Variants in ASIC2 observed in about 807,000 individuals in gnomAD.
ASIC2 encodes the protein acid sensing ion channel subunit 2.
In ASIC2, 25 loss-of-function variants were observed where a neutral mutation model predicts 57.3. That is an observed-to-expected ratio of 0.44 (90% CI 0.32 to 0.61). ASIC2 has a LOEUF of 0.61. Ranked by LOEUF, ASIC2 falls within the 20% of genes least tolerant of loss-of-function variation. ASIC2 has a pLI of 0.06. For missense variants in ASIC2, 641 were observed against 738.1 expected (o/e 0.87, Z 1.52); for synonymous variants, 319 against 307.5 (o/e 1.04, Z -0.39).
rs73279047 is a variant in ASIC2 at position 33,664,981 on chromosome 17, G to T, written c.555+490997C>A. Among the ~76,000 whole-genome samples, 960 of 152,180 alleles carry T rather than the reference G, an allele frequency of 6.3e-3. 13 individuals carry two copies. Among genetic ancestry groups the T allele is most frequent in the African/African-American group, 0.022 (914 of 41,496 alleles). ...CCCAAAAAGCTGCAATTGTTAAAGT[G>T]ACTCTTTGAAATATCCAAGCATATA... is the stretch of plus-strand genomic sequence containing the variant. On this transcript the variant is annotated intron_variant, in intron 1 of 9. Transcript: ENST00000359872.
At chr17:33,734,108 C>A (rs865844668) in intron 1 of ASIC2, among the ~76,000 whole-genome samples, 2 of 152,154 alleles carry the variant, frequency 1.3e-5, no homozygotes, top group Non-Finnish European at 2.9e-5. Context: ...CCCCCTACCC[C>A]ACAGGCACAG....
intron 1 of ASIC2, among the ~76,000 whole-genome samples, chr17:34,119,335 AC>A (rs1054988935): frequency 6.6e-6 from 1 of 152,134 alleles, no homozygotes; most frequent in African/African-American, 2.4e-5. Flanking sequence ...GATCTCTTCT[AC>A]AAAGCATTAT....
intron 1 of ASIC2, among the ~76,000 whole-genome samples, chr17:34,151,448 C>T (rs148258006): frequency 5.8e-4 from 89 of 152,278 alleles, no homozygotes; most frequent in African/African-American, 1.9e-3. Flanking sequence ...TGACACACTG[C>T]TATAAAAGCT....
intron 1 of ASIC2, among the ~76,000 whole-genome samples, chr17:34,138,778 C>T (rs936887217): frequency 8.5e-5 from 13 of 152,200 alleles, no homozygotes; most frequent in African/African-American, 3.1e-4. Context: ...CTTTCACCCA[C>T]AGTCATTCTT....
chr17:33,704,914 G>A (rs887279774), intron 1 of ASIC2, among the ~76,000 whole-genome samples: 1 of 152,182 alleles, frequency 6.6e-6, no homozygotes, highest in African/African-American at 2.4e-5. Context: ...CCTATATTGG[G>A]TTTAAAAGCA....
intron 3 of ASIC2, among the ~76,000 whole-genome samples, chr17:33,045,755 G>A (rs1347280027): frequency 6.6e-6 from 1 of 152,104 alleles, no homozygotes; most frequent in African/African-American, 2.4e-5. Flanking sequence ...ATTCCAGATT[G>A]CATCTCTGTC....
chr17:33,972,152 A>C (rs1421395605), intron 1 of ASIC2, among the ~76,000 whole-genome samples: 2 of 152,232 alleles, frequency 1.3e-5, no homozygotes, highest in African/African-American at 2.4e-5. Context: ...TAATATTATC[A>C]ATGTCATCAA....
chr17:34,078,428 G>T (rs1372096586), intron 1 of ASIC2, among the ~76,000 whole-genome samples: 2 of 152,172 alleles, frequency 1.3e-5, no homozygotes, highest in Non-Finnish European at 2.9e-5. Flanking sequence ...ATGGATTGCT[G>T]TGTAGACTCT....
intron 1 of ASIC2, among the ~76,000 whole-genome samples, chr17:33,289,229 ACT>A (rs942766888): frequency 6.6e-6 from 1 of 152,080 alleles, no homozygotes; most frequent in African/African-American, 2.4e-5. Flanking sequence ...GTGCCTGCAA[ACT>A]CTTCAAACGC....
At chr17:33,550,060 A>T (rs1480011504) in intron 1 of ASIC2, among the ~76,000 whole-genome samples, 5 of 152,170 alleles carry the variant, frequency 3.3e-5, no homozygotes, top group Admixed American at 3.3e-4. Context: ...AGCACAGTGG[A>T]AATTCAAATT....
intron 1 of ASIC2, among the ~76,000 whole-genome samples, chr17:33,500,514 T>C (rs8068971): frequency 0.14 from 20,614 of 152,190 alleles, 1,874 homozygotes; most frequent in African/African-American, 0.27. Flanking sequence ...ATTCTCATTG[T>C]AGGAAACAGT....
intron 1 of ASIC2, among the ~76,000 whole-genome samples, chr17:33,265,993 A>G (rs1273045471): frequency 2.6e-5 from 4 of 152,190 alleles, no homozygotes; most frequent in Non-Finnish European, 1.5e-5. Flanking sequence ...TCCCATGGCC[A>G]TGGTGGTCTT....
chr17:34,142,786 C>T (rs1912306881), intron 1 of ASIC2, among the ~76,000 whole-genome samples: 1 of 152,144 alleles, frequency 6.6e-6, no homozygotes, highest in Non-Finnish European at 1.5e-5. Flanking sequence ...TCATTTCTTC[C>T]ACCTAGAGTG....
At chr17:33,787,831 G>A (rs1379547777) in intron 1 of ASIC2, among the ~76,000 whole-genome samples, 2 of 152,164 alleles carry the variant, frequency 1.3e-5, no homozygotes, top group African/African-American at 2.4e-5. Flanking sequence ...CCTGGTAGGA[G>A]GTGATTGGAT....
chr17:34,014,319 A>C (rs1207639426), intron 1 of ASIC2, among the ~76,000 whole-genome samples: 4 of 152,174 alleles, frequency 2.6e-5, no homozygotes, highest in African/African-American at 9.7e-5. Flanking sequence ...TCCAGATGTG[A>C]AACCAGGTGG....
At chr17:33,056,214 A>C (rs1598256246) in intron 3 of ASIC2, among the ~76,000 whole-genome samples, 1 of 152,042 alleles carries the variant, frequency 6.6e-6, no homozygotes, top group African/African-American at 2.4e-5. Flanking sequence ...CAATCAGCCC[A>C]CTCCACTGAG....
chr17:34,100,189 T>C (rs1266876356), intron 1 of ASIC2, among the ~76,000 whole-genome samples: 2 of 151,086 alleles, frequency 1.3e-5, no homozygotes, highest in African/African-American at 4.9e-5. Flanking sequence ...TTCTTGTTTT[T>C]TTTTTTTTTT....
At chr17:33,878,528 G>A (rs1484309965) in intron 1 of ASIC2, among the ~76,000 whole-genome samples, 2 of 152,180 alleles carry the variant, frequency 1.3e-5, no homozygotes, top group Non-Finnish European at 2.9e-5. Flanking sequence ...TCAAATGAAT[G>A]AAATGAAGCA....
chr17:33,345,849 A>C (rs2174341), intron 1 of ASIC2, among the ~76,000 whole-genome samples: 27,278 of 152,070 alleles, frequency 0.18, 2,504 homozygotes, highest in East Asian at 0.23. Context: ...ACCAAAAATG[A>C]AAGCCAGAGA....
Sources: allele counts gnomAD v4.1 joint callset (sites outside exome capture counted in the v4.1 genomes callset), GRCh38; gene constraint gnomAD v4.1.1; transcripts MANE v1.5; gene names NCBI Gene and HGNC (gene_info 2026-07-23, HGNC 2026-07-21).